PTPN13: variants seen among roughly 807,000 people sequenced by gnomAD.
PTPN13 encodes protein tyrosine phosphatase non-receptor type 13, also known as tyrosine-protein phosphatase non-receptor type 13.
Under a neutral mutation model 284.0 loss-of-function variants are expected in PTPN13, and 191 were observed. That is an observed-to-expected ratio of 0.67 (90% CI 0.60 to 0.76). The LOEUF is 0.76. PTPN13 is among the 30% of genes least tolerant of loss of function. The pLI, the probability that PTPN13 is intolerant of heterozygous loss-of-function variation, is 0.00. For synonymous variants in PTPN13, 986 were observed against 1,022.3 expected, an observed-to-expected ratio of 0.96 and a Z score of 0.68; for missense variants, 2,797 against 2,939.9, an observed-to-expected ratio of 0.95 and a Z score of 1.12.
chr4:86,730,287 A>AG (rs1367252827), intron 10 of PTPN13, among the ~76,000 whole-genome samples: 2 of 149,096 alleles, frequency 1.3e-5, no homozygotes, highest in African/African-American at 4.9e-5. Flanking sequence ...GGGGTCATGG[A>AG]CCCATTCTCA....
chr4:86,721,362 C>A (rs1329424859), intron 9 of PTPN13, among the ~76,000 whole-genome samples: 1 of 152,036 alleles, frequency 6.6e-6, no homozygotes, highest in Non-Finnish European at 1.5e-5. Context: ...CTGCCATGTA[C>A]TAGGTGCTTT....
intron 2 of PTPN13, among the ~76,000 whole-genome samples, chr4:86,664,673 T>G (rs1272281057): frequency 2.0e-5 from 3 of 152,176 alleles, no homozygotes; most frequent in Non-Finnish European, 4.4e-5. Flanking sequence ...GCATGTAATT[T>G]TGGGAGATAC....
intron 2 of PTPN13, among the ~76,000 whole-genome samples, chr4:86,659,902 G>A (rs1218069076): frequency 1.3e-5 from 2 of 151,438 alleles, no homozygotes; most frequent in African/African-American, 4.8e-5. Context: ...GCATTGGAAT[G>A]TACAGATAGA....
chr4:86,796,071 A>C (rs984844946), intron 40 of PTPN13, among the ~76,000 whole-genome samples: 2 of 152,178 alleles, frequency 1.3e-5, no homozygotes, highest in African/African-American at 4.8e-5. Flanking sequence ...ATTTCTTTCT[A>C]ATTGTAGCAA....
In PTPN13 at chr4:86,693,623, G is replaced by C. The variant is rs1388622514; in HGVS notation, c.583G>C (p.Asp195His). 2 of 1,557,276 alleles carry C rather than the reference G, an allele frequency of 1.3e-6. No homozygotes were observed. Among genetic ancestry groups the C allele is most frequent in the African/African-American group, 1.4e-5 (1 of 73,784 alleles). ...QLSCNSEQKP[D>H]RSQAIRDRLR... ...TTCCTGTAACAGTGAACAAAAGCCT[G>C]ATCGAAGCCAGGCTATTCGAGATCG... is the stretch of plus-strand genomic sequence containing the variant. Residue 195 changes from aspartate (D) to histidine (H), a missense_variant, in exon 6 of 48, where the codon GAT (aspartate) becomes CAT (histidine). Asp to His is a moderately conservative substitution (Grantham distance 81). Coordinates refer to ENST00000411767, the MANE Select transcript of PTPN13 (RefSeq NM_080683.3).
chr4:86,679,752 A>C (rs1337059730), intron 3 of PTPN13, among the ~76,000 whole-genome samples: 1 of 152,196 alleles, frequency 6.6e-6, no homozygotes, highest in East Asian at 1.9e-4. Flanking sequence ...TGGCTGAATG[A>C]GAGGTATCTG....
chr4:86,782,810 T>G (rs1741474011), intron 37 of PTPN13, among the ~76,000 whole-genome samples: 1 of 152,186 alleles, frequency 6.6e-6, no homozygotes, highest in Admixed American at 6.5e-5. Flanking sequence ...AATCTAGGGG[T>G]GACTAAACAA....
At chr4:86,703,876 A>G (rs1425289748) in intron 7 of PTPN13, among the ~76,000 whole-genome samples, 1 of 152,058 alleles carries the variant, frequency 6.6e-6, no homozygotes, top group Non-Finnish European at 1.5e-5. Flanking sequence ...CTCTAATGAT[A>G]GTAATAATAA....
At chr4:86,616,805 A>G (rs886975243) in intron 1 of PTPN13, among the ~76,000 whole-genome samples, 2 of 151,948 alleles carry the variant, frequency 1.3e-5, no homozygotes, top group Non-Finnish European at 2.9e-5. Flanking sequence ...AGTCAATTAA[A>G]CCTCTTTTCT....
At chr4:86,599,157 C>T (rs1053247854) in intron 1 of PTPN13, among the ~76,000 whole-genome samples, 3 of 152,166 alleles carry the variant, frequency 2.0e-5, no homozygotes, top group African/African-American at 7.2e-5. Context: ...TTTTTAGAAA[C>T]TCCTTAAGAA....
intron 35 of PTPN13, among the ~76,000 whole-genome samples, chr4:86,777,840 A>C (rs1740836391): frequency 6.6e-6 from 1 of 152,148 alleles, no homozygotes; most frequent in South Asian, 2.1e-4. Flanking sequence ...GGATTGGCAT[A>C]CAATTGTTTT....
At chr4:86,793,056 C>G (rs182749549) in intron 40 of PTPN13, among the ~76,000 whole-genome samples, 1 of 152,272 alleles carries the variant, frequency 6.6e-6, no homozygotes, top group African/African-American at 2.4e-5. Flanking sequence ...TTAAAAGACA[C>G]AGACTGGCAA....
intron 40 of PTPN13, among the ~76,000 whole-genome samples, chr4:86,795,202 A>G (rs1318363482): frequency 6.6e-6 from 1 of 152,246 alleles, no homozygotes; most frequent in Non-Finnish European, 1.5e-5. Flanking sequence ...ACAAGAAAAA[A>G]GCAATTCCAT....
intron 1 of PTPN13, among the ~76,000 whole-genome samples, chr4:86,615,499 G>A (rs1214810731): frequency 2.0e-5 from 3 of 152,066 alleles, no homozygotes; most frequent in Non-Finnish European, 4.4e-5. Context: ...CAAGCAGGAA[G>A]CAACTTGTTA....
chr4:86,667,405 G>GTT (rs918004906), intron 2 of PTPN13, among the ~76,000 whole-genome samples: 1 of 149,394 alleles, frequency 6.7e-6, no homozygotes, highest in African/African-American at 2.5e-5. Flanking sequence ...AGAGAAACAA[G>GTT]TTTTTTTTTT....
intron 1 of PTPN13, among the ~76,000 whole-genome samples, chr4:86,633,610 G>A (rs1261217342): frequency 1.3e-5 from 2 of 152,112 alleles, no homozygotes; most frequent in Non-Finnish European, 2.9e-5. Context: ...GAGTATATGC[G>A]TTAGAGCTAT....
intron 2 of PTPN13, among the ~76,000 whole-genome samples, chr4:86,670,065 G>A (rs1578381419): frequency 6.6e-6 from 1 of 151,050 alleles, no homozygotes; most frequent in East Asian, 1.9e-4. Flanking sequence ...GTCCCCAAGA[G>A]AAGAGGAAGA....
At chr4:86,792,306 A>AG (rs1186940760) in intron 40 of PTPN13, among the ~76,000 whole-genome samples, 1 of 152,224 alleles carries the variant, frequency 6.6e-6, no homozygotes, top group Non-Finnish European at 1.5e-5. Context: ...ACAAGATTAG[A>AG]GAAAAAAGAG....
intron 2 of PTPN13, among the ~76,000 whole-genome samples, chr4:86,652,107 CA>C (rs1227099287): frequency 6.6e-6 from 1 of 151,936 alleles, no homozygotes; most frequent in Non-Finnish European, 1.5e-5. Flanking sequence ...AAACAAAAAA[CA>C]AAAAAATCCA....
Sources: allele counts gnomAD v4.1 joint callset (sites outside exome capture counted in the v4.1 genomes callset), GRCh38; gene constraint gnomAD v4.1.1; transcripts MANE v1.5; gene names NCBI Gene and HGNC (gene_info 2026-07-23, HGNC 2026-07-21).